SLIT3: variants seen among roughly 807,000 people sequenced by gnomAD.
The protein encoded by SLIT3 is slit guidance ligand 3.
Under a neutral mutation model 184.0 loss-of-function variants are expected in SLIT3, and 68 were observed. The ratio of observed to expected loss-of-function variants is 0.37; its 90% CI spans 0.30 to 0.45. SLIT3 has a LOEUF of 0.45. Among genes scored for constraint, SLIT3 ranks in the 20% least tolerant of loss-of-function variants. SLIT3 has a pLI of 1.00. For synonymous variants in SLIT3, 831 were observed against 828.6 expected (o/e 1.00, Z -0.05); for missense variants, 1,707 against 2,026.0 (o/e 0.84, Z 3.02).
chr5:169,128,499 G>T (rs12519419), intron 4 of SLIT3, among the ~76,000 whole-genome samples: 1 of 151,930 alleles, frequency 6.6e-6, no homozygotes, highest in Non-Finnish European at 1.5e-5. Flanking sequence ...CACAATCTTG[G>T]CTCACCACAA....
chr5:169,121,194 T>A (rs1024444345), intron 4 of SLIT3, among the ~76,000 whole-genome samples: 1 of 152,178 alleles, frequency 6.6e-6, no homozygotes, highest in African/African-American at 2.4e-5. Flanking sequence ...TCAGGAGCTG[T>A]GGCCCAGAGC....
chr5:169,295,938 G>A (rs1238852405), intron 1 of SLIT3, among the ~76,000 whole-genome samples: 1 of 152,184 alleles, frequency 6.6e-6, no homozygotes, highest in Non-Finnish European at 1.5e-5. Context: ...AAGTGCTCAG[G>A]ATTTCCAGTT....
At chr5:169,235,525 A>T (rs932569363) in intron 3 of SLIT3, among the ~76,000 whole-genome samples, 2 of 152,230 alleles carry the variant, frequency 1.3e-5, no homozygotes, top group Non-Finnish European at 2.9e-5. Context: ...TTAATGAAGC[A>T]ATCCTGTTGC....
intron 20 of SLIT3, among the ~76,000 whole-genome samples, chr5:168,735,705 C>CAT (rs1763415834): frequency 7.1e-6 from 1 of 141,150 alleles, no homozygotes; most frequent in East Asian, 2.0e-4. Flanking sequence ...CACACACACA[C>CAT]ATCTCCATCC....
intron 12 of SLIT3, among the ~76,000 whole-genome samples, chr5:168,780,121 G>A (rs528239063): frequency 3.4e-4 from 52 of 152,386 alleles, no homozygotes; most frequent in African/African-American, 1.2e-3. Context: ...TGTTGACTCA[G>A]TGGCCCAGTG....
chr5:168,903,417 A>G (rs1351189428), intron 4 of SLIT3, among the ~76,000 whole-genome samples: 1 of 151,836 alleles, frequency 6.6e-6, no homozygotes, highest in Non-Finnish European at 1.5e-5. Context: ...TGAGTTATAA[A>G]CCTCTCAGCA....
At chr5:169,273,333 C>CAG (rs1473702205) in intron 1 of SLIT3, among the ~76,000 whole-genome samples, 29 of 152,276 alleles carry the variant, frequency 1.9e-4, no homozygotes, top group South Asian at 6.2e-4. Flanking sequence ...ATCCTCATCT[C>CAG]AGAGAGAGAG....
chr5:169,256,019 C>T (rs1344356462), intron 1 of SLIT3, among the ~76,000 whole-genome samples: 2 of 152,214 alleles, frequency 1.3e-5, no homozygotes, highest in East Asian at 3.9e-4. Context: ...CATATTCACC[C>T]ACCACTCACT....
At chr5:169,055,141 G>T (rs1475183311) in intron 4 of SLIT3, among the ~76,000 whole-genome samples, 1 of 152,124 alleles carries the variant, frequency 6.6e-6, no homozygotes, top group Non-Finnish European at 1.5e-5. Context: ...TTTTGGGGAA[G>T]AAAGGAGTAG....
intron 4 of SLIT3, chr5:169,023,828 A>G (rs1298078676): frequency 6.6e-6 from 1 of 152,104 alleles, no homozygotes; most frequent in African/African-American, 2.4e-5. Context: ...CCTATCTCTA[A>G]AGACAGAGGT....
chr5:169,166,609 T>C (rs979254630), intron 4 of SLIT3, among the ~76,000 whole-genome samples: 2 of 152,174 alleles, frequency 1.3e-5, no homozygotes, highest in African/African-American at 4.8e-5. Flanking sequence ...AGGTGCTCCA[T>C]GGTATTATTA....
chr5:168,932,992 CAAGCATACCAGGGAAAGAGA>C lies in SLIT3; in HGVS notation c.414-49676_414-49657del, dbSNP rs1241280808. ...GAGCTTTCCACATGAATAATACTGG[CAAGCATACCAGGGAAAGAGA>C]AAGCATTGCCAGCTTACAGAGGTGA... On this transcript the variant is annotated intron_variant, in intron 4 of 35. Transcript: ENST00000519560. 6.6e-5 allele frequency among the ~76,000 whole-genome samples: 10 copies of C among 152,270 alleles called. No individual in the cohort carries two copies. The East Asian group carries it at 1.9e-3, about 29-fold the overall frequency.
In SLIT3 at chr5:169,029,188, T is replaced by G. The variant is rs576261321; in HGVS notation, c.414-145852A>C. ...GCTTCACCAAATCCAAGAGAATCTA[T>G]GCATAGCTGACTTAGGAAACAGTAG... On this transcript the variant is annotated intron_variant, in intron 4 of 35. Transcript: ENST00000519560. 5.3e-5 allele frequency among the ~76,000 whole-genome samples: 8 copies of G among 152,366 alleles called. No homozygotes were observed. The South Asian group carries it at 1.7e-3, about 32-fold the overall frequency.
chr5:168,670,077 G>T (rs1416786563), intron 34 of SLIT3, 86 bp from the exon 35 acceptor site: 1 of 1,127,066 alleles, frequency 8.9e-7, no homozygotes, highest in Non-Finnish European at 1.3e-6. Context: ...CCAGGGACCA[G>T]GGGACCCGGA....
In SLIT3 at chr5:168,842,469, G is replaced by GTTTTTTGTTT. The variant is rs1554147713; in HGVS notation, c.557+2114_557+2115insAAACAAAAAA. Among the ~76,000 whole-genome samples, 37 of 88,078 alleles carry GTTTTTTGTTT rather than the reference G, an allele frequency of 4.2e-4. 3 individuals are homozygous for GTTTTTTGTTT. Among genetic ancestry groups the GTTTTTTGTTT allele is most frequent in the Middle Eastern group, 6.5e-3 (1 of 154 alleles). 57.8% of individuals were successfully genotyped at this position (88,078 alleles called of 152,430 possible). A position where few individuals can be genotyped will look rare whatever the true frequency, so the allele number is the denominator to read the frequency against. On this transcript the variant is annotated intron_variant, in intron 6 of 35. Coordinates refer to ENST00000519560, the MANE Select transcript of SLIT3 (RefSeq NM_003062.4). ...TGGTGCATCTGGATACCGTTTTTTC[G>GTTTTTTGTTT]TTTTTTTTTTTTTTTTTTGTATCTG...
chr5:168,805,293 A>G (rs958856949), intron 9 of SLIT3, among the ~76,000 whole-genome samples: 2 of 152,074 alleles, frequency 1.3e-5, no homozygotes, highest in Admixed American at 1.3e-4. Flanking sequence ...TTGGGAACAG[A>G]AGGGCACACA....
chr5:168,960,435 C>G (rs1762965139), intron 4 of SLIT3, among the ~76,000 whole-genome samples: 1 of 152,194 alleles, frequency 6.6e-6, no homozygotes, highest in Admixed American at 6.5e-5. Context: ...TCATAACAAC[C>G]AAACGAGGTA....
chr5:169,239,064 G>C (rs1267910850), intron 3 of SLIT3, among the ~76,000 whole-genome samples: 1 of 152,066 alleles, frequency 6.6e-6, no homozygotes, highest in Admixed American at 6.6e-5. Flanking sequence ...CTGAATTACT[G>C]CTCCAAATAA....
chr5:168,746,234 G>C (rs1222504040), intron 20 of SLIT3, among the ~76,000 whole-genome samples: 1 of 151,802 alleles, frequency 6.6e-6, no homozygotes, highest in African/African-American at 2.4e-5. Context: ...CCTGGCAAAA[G>C]AGATGTCAAA....
Sources: gnomAD v4.1 joint callset for allele counts (sites outside exome capture counted in the v4.1 genomes callset) on GRCh38, gnomAD v4.1.1 for gene constraint, MANE v1.5 for transcripts, NCBI Gene and HGNC (gene_info 2026-07-23, HGNC 2026-07-21) for gene names.